Variants in FHIT observed in about 807,000 individuals in gnomAD.
The protein encoded by FHIT is bis(5'-adenosyl)-triphosphatase.
In FHIT, 19 loss-of-function variants were observed where a neutral mutation model predicts 17.9. That is an observed-to-expected ratio of 1.06 (90% CI 0.74 to 1.56). The LOEUF is 1.56. FHIT is among the 40% of genes most tolerant of loss of function. The pLI is 0.00. For missense variants in FHIT, 248 were observed against 189.2 expected (o/e 1.31, Z -1.82); for synonymous variants, 81 against 69.7 (o/e 1.16, Z -0.81).
At chr3:60,052,311 C>G (rs1448231491) in intron 5 of FHIT, among the ~76,000 whole-genome samples, 1 of 152,040 alleles carries the variant, frequency 6.6e-6, no homozygotes, top group African/African-American at 2.4e-5. Flanking sequence ...CACGAGTACA[C>G]CCTGAAAAAC....
intron 3 of FHIT, among the ~76,000 whole-genome samples, chr3:61,032,775 T>C (rs1393531088): frequency 2.0e-5 from 3 of 152,194 alleles, no homozygotes; most frequent in Admixed American, 6.5e-5. Flanking sequence ...AATGTAGATA[T>C]ACAGAAAGAG....
rs2039129478 is a variant in FHIT at position 61,204,204 on chromosome 3, A to C, written c.-212-3539T>G. ...GGTACAAAACAAAATAAAGAAAGGG[A>C]AGAAATTTACACAGAATTCAGGCTA... On this transcript the variant is annotated intron_variant, in intron 1 of 9. Coordinates refer to ENST00000492590, the MANE Select transcript of FHIT (RefSeq NM_002012.4). Among the ~76,000 whole-genome samples, 6 of 152,310 alleles carry C rather than the reference A, an allele frequency of 3.9e-5. 1 individual carries two copies. The South Asian group carries it at 1.2e-3, about 32-fold the overall frequency.
chr3:61,034,099 A>G (rs1301344231), intron 3 of FHIT, among the ~76,000 whole-genome samples: 1 of 152,306 alleles, frequency 6.6e-6, no homozygotes, highest in African/African-American at 2.4e-5. Context: ...TCCTCACACC[A>G]TATATAAAAA....
chr3:60,951,289 T>A (rs1553777191), intron 3 of FHIT, among the ~76,000 whole-genome samples: 1 of 152,192 alleles, frequency 6.6e-6, no homozygotes, highest in Non-Finnish European at 1.5e-5. Context: ...GACATGCCAA[T>A]AATAAAATTC....
At chr3:59,957,106 C>G (rs1400523290) in intron 7 of FHIT, among the ~76,000 whole-genome samples, 7 of 152,120 alleles carry the variant, frequency 4.6e-5, no homozygotes, top group Non-Finnish European at 1.0e-4. Flanking sequence ...GTTCTGTGAC[C>G]CTGTGATTAT....
At position 60,961,912 on chromosome 3, in the gene FHIT, GCT is replaced by G. The variant is rs1167584029; in HGVS notation, c.-111+80133_-111+80134del. Among the ~76,000 whole-genome samples, 3 of 152,276 alleles carry G rather than the reference GCT, an allele frequency of 2.0e-5. No individual in the cohort carries two copies. The East Asian group carries it at 5.8e-4, about 29-fold the overall frequency. Reference sequence around the variant, plus strand: ...GCTTAGGATTGACTTGGCAATGTGGGCTCTTTTTTGCTTCCATGTGAACTTTA... The same window carrying G: ...GCTTAGGATTGACTTGGCAATGTGGGCTTTTTTGCTTCCATGTGAACTTTA... On this transcript the variant is annotated intron_variant, in intron 3 of 9. Coordinates refer to ENST00000492590, the MANE Select transcript of FHIT (RefSeq NM_002012.4).
intron 2 of FHIT, among the ~76,000 whole-genome samples, chr3:61,175,124 G>GA (rs1189109331): frequency 5.9e-5 from 9 of 151,354 alleles, no homozygotes; most frequent in Non-Finnish European, 1.2e-4. Flanking sequence ...TGGCAGAAGG[G>GA]AAAAAAAAGC....
At chr3:60,115,718 T>C (rs80081808) in intron 5 of FHIT, among the ~76,000 whole-genome samples, 3,493 of 152,230 alleles carry the variant, frequency 0.023, 71 homozygotes, top group Non-Finnish European at 0.033. Flanking sequence ...AGGTGAATAC[T>C]TGAAAGACAT....
chr3:59,839,828 C>T (rs942411610), intron 8 of FHIT, among the ~76,000 whole-genome samples: 1 of 152,180 alleles, frequency 6.6e-6, no homozygotes, highest in Admixed American at 6.5e-5. Context: ...CATGTCCTCT[C>T]CTTGTGCAAA....
chr3:60,141,344 T>C lies in FHIT; in HGVS notation c.104-127192A>G, dbSNP rs17062344. ...TACTTACAGTTTCCTCCTAAGATTG[T>C]AGTTGTGCAGTAATGATATTGAGAC... On this transcript the variant is annotated intron_variant, in intron 5 of 9. Coordinates refer to ENST00000492590, the MANE Select transcript of FHIT (RefSeq NM_002012.4). Among the ~76,000 whole-genome samples the C allele has an allele frequency of 6.9e-3, 1,045 of 150,610 alleles. 19 individuals are homozygous for C. The highest frequency in any genetic ancestry group is 0.024 in the African/African-American group (997 of 40,804).
At chr3:60,853,402 G>C (rs1703233293) in intron 3 of FHIT, among the ~76,000 whole-genome samples, 1 of 152,078 alleles carries the variant, frequency 6.6e-6, no homozygotes, top group African/African-American at 2.4e-5. Flanking sequence ...GAATTGTGAA[G>C]TCATAGCCCC....
chr3:59,773,337 G>A (rs1702158400), intron 8 of FHIT, among the ~76,000 whole-genome samples: 1 of 152,152 alleles, frequency 6.6e-6, no homozygotes, highest in South Asian at 2.1e-4. Context: ...AACTGTGGGA[G>A]TCACAGAAAG....
At chr3:59,907,033 A>C (rs2107115422) in intron 8 of FHIT, among the ~76,000 whole-genome samples, 1 of 152,344 alleles carries the variant, frequency 6.6e-6, no homozygotes, top group Admixed American at 6.5e-5. Context: ...ACAAAGTATC[A>C]GAGCTGAAAG....
chr3:60,181,366 G>A (rs748849435), intron 5 of FHIT, among the ~76,000 whole-genome samples: 13 of 151,902 alleles, frequency 8.6e-5, no homozygotes, highest in Admixed American at 4.6e-4. Flanking sequence ...GGCTGGTCTC[G>A]AACTCCTGAC....
intron 4 of FHIT, among the ~76,000 whole-genome samples, chr3:60,603,995 A>C (rs1315298441): frequency 6.6e-6 from 1 of 152,194 alleles, no homozygotes; most frequent in Non-Finnish European, 1.5e-5. Context: ...AGAGACTAAG[A>C]ACAGCTCAGA....
chr3:61,167,343 A>G (rs1334132898), intron 2 of FHIT, among the ~76,000 whole-genome samples: 1 of 151,996 alleles, frequency 6.6e-6, no homozygotes, highest in Non-Finnish European at 1.5e-5. Context: ...ACAGACGTTA[A>G]AAGAAATACG....
chr3:60,834,276 A>T (rs1702442562), intron 3 of FHIT, among the ~76,000 whole-genome samples: 1 of 152,164 alleles, frequency 6.6e-6, no homozygotes, highest in Non-Finnish European at 1.5e-5. Context: ...TGTTGTTATC[A>T]TTATCTTTTA....
chr3:60,191,757 T>C (rs1220937165), intron 5 of FHIT, among the ~76,000 whole-genome samples: 1 of 152,158 alleles, frequency 6.6e-6, no homozygotes, highest in Non-Finnish European at 1.5e-5. Flanking sequence ...ATTTTAAAAA[T>C]AAAAATGTTT....
intron 5 of FHIT, among the ~76,000 whole-genome samples, chr3:60,155,448 G>T (rs1335758717): frequency 6.6e-6 from 1 of 151,532 alleles, no homozygotes; most frequent in African/African-American, 2.4e-5. Context: ...AAGCTGCCTG[G>T]AACAGTCCAT....
Sources: allele counts gnomAD v4.1 joint callset (sites outside exome capture counted in the v4.1 genomes callset), GRCh38; gene constraint gnomAD v4.1.1; transcripts MANE v1.5; gene names NCBI Gene and HGNC (gene_info 2026-07-23, HGNC 2026-07-21).